The following DPP10 variants were observed in gnomAD, a reference collection of about 807,000 sequenced individuals.
DPP10 encodes dipeptidyl peptidase like 10.
Under a neutral mutation model 120.9 loss-of-function variants are expected in DPP10, and 33 were observed. The observed-to-expected ratio is 0.27, with a 90% confidence interval of 0.21 to 0.37. The LOEUF (loss-of-function observed/expected upper bound fraction) is 0.37, where lower values mean the gene tolerates loss of function less well. Among genes scored for constraint, DPP10 ranks in the 10% least tolerant of loss-of-function variants. The pLI is 1.00. For synonymous variants in DPP10, 337 were observed against 326.1 expected (o/e 1.03, Z -0.36); for missense variants, 816 against 942.8 (o/e 0.87, Z 1.76).
intron 1 of DPP10, among the ~76,000 whole-genome samples, chr2:114,938,657 T>C (rs1315917304): frequency 1.3e-5 from 2 of 151,868 alleles, no homozygotes; most frequent in East Asian, 3.9e-4. Context: ...TTTGTATGAC[T>C]AAGAAGTGAC....
At position 115,688,912 on chromosome 2, in the gene DPP10, A is replaced by G. The variant is rs765846867; in HGVS notation, c.442-775A>G. Among the ~76,000 whole-genome samples, 33 of 152,206 alleles carry G rather than the reference A, an allele frequency of 2.2e-4. No homozygotes were observed. The Middle Eastern group carries it at 0.01, about 47-fold the overall frequency. ...GTGTGGAGAGTGTTATCTCACTTCA[A>G]CTTCACCAACAAACACTTCAACATG... On this transcript the variant is annotated intron_variant, in intron 5 of 25. Coordinates refer to ENST00000410059, the MANE Select transcript of DPP10 (RefSeq NM_020868.6).
At chr2:115,622,305 T>A (rs1217848156) in intron 5 of DPP10, among the ~76,000 whole-genome samples, 1 of 152,154 alleles carries the variant, frequency 6.6e-6, no homozygotes, top group Non-Finnish European at 1.5e-5. Flanking sequence ...ATATCTGGCT[T>A]CCTTCATTTA....
chr2:114,890,046 G>T (rs1195848117), intron 1 of DPP10, among the ~76,000 whole-genome samples: 7 of 152,186 alleles, frequency 4.6e-5, no homozygotes, highest in Non-Finnish European at 8.8e-5. Flanking sequence ...ATATGCAGAT[G>T]AATAAGTCAT....
At chr2:115,412,718 T>C (rs1380266456) in intron 3 of DPP10, among the ~76,000 whole-genome samples, 1 of 152,226 alleles carries the variant, frequency 6.6e-6, no homozygotes, top group African/African-American at 2.4e-5. Flanking sequence ...CATCCTTGTT[T>C]ACTTAATGTG....
chr2:115,188,937 A>C (rs899971454), intron 1 of DPP10, among the ~76,000 whole-genome samples: 2 of 152,224 alleles, frequency 1.3e-5, no homozygotes, highest in African/African-American at 4.8e-5. Context: ...ATTGTTGCAC[A>C]TCTATACAAA....
At chr2:114,570,198 T>TGAGAGAC (rs538591944) in intron 1 of DPP10, among the ~76,000 whole-genome samples, 214 of 152,310 alleles carry the variant, frequency 1.4e-3, no homozygotes, top group African/African-American at 5.0e-3. Flanking sequence ...AAAATATTCC[T>TGAGAGAC]GAGAGACCAG....
chr2:115,364,589 T>C (rs952154395), intron 3 of DPP10, among the ~76,000 whole-genome samples: 6 of 152,030 alleles, frequency 3.9e-5, no homozygotes, highest in Non-Finnish European at 7.4e-5. Context: ...CATCAGTCAG[T>C]TCTTCTGTAT....
intron 1 of DPP10, among the ~76,000 whole-genome samples, chr2:114,593,707 A>G (rs1278697240): frequency 6.6e-6 from 1 of 152,116 alleles, no homozygotes; most frequent in Admixed American, 6.5e-5. Context: ...TAGCCTAGCA[A>G]ACGGGTCTAG....
chr2:115,317,614 A>G (rs929887752), intron 2 of DPP10, among the ~76,000 whole-genome samples: 7 of 151,570 alleles, frequency 4.6e-5, no homozygotes, highest in African/African-American at 1.7e-4. Flanking sequence ...CCAAATTCTT[A>G]GAAACACTTG....
intron 1 of DPP10, among the ~76,000 whole-genome samples, chr2:114,959,734 TTC>T (rs957156262): frequency 2.6e-5 from 4 of 152,146 alleles, no homozygotes; most frequent in Non-Finnish European, 5.9e-5. Flanking sequence ...GCACTTGCTA[TTC>T]TCTCTCTTTT....
chr2:115,323,768 G>C (rs1003255057), intron 2 of DPP10, among the ~76,000 whole-genome samples: 4 of 152,182 alleles, frequency 2.6e-5, no homozygotes, highest in Non-Finnish European at 5.9e-5. Flanking sequence ...TCAATGAGCA[G>C]TGATATTTTA....
chr2:115,259,426 G>A (rs998974048), intron 1 of DPP10, among the ~76,000 whole-genome samples: 1 of 151,476 alleles, frequency 6.6e-6, no homozygotes, highest in Non-Finnish European at 1.5e-5. Context: ...GGAGGTTGCA[G>A]TGAGCCGAGA....
chr2:114,930,344 A>G (rs1187876392), intron 1 of DPP10, among the ~76,000 whole-genome samples: 1 of 152,194 alleles, frequency 6.6e-6, no homozygotes, highest in African/African-American at 2.4e-5. Flanking sequence ...CTCGCTACCA[A>G]ATCAGGTTGT....
chr2:114,667,248 A>G (rs1020340676), intron 1 of DPP10, among the ~76,000 whole-genome samples: 6 of 152,222 alleles, frequency 3.9e-5, no homozygotes, highest in African/African-American at 9.6e-5. Flanking sequence ...AAGGTGAATA[A>G]AAGCTAATTT....
chr2:114,484,311 G>A (rs1244442048), intron 1 of DPP10, among the ~76,000 whole-genome samples: 1 of 152,170 alleles, frequency 6.6e-6, no homozygotes, highest in African/African-American at 2.4e-5. Context: ...GAATCAGAAT[G>A]TAAGTGGAAA....
intron 3 of DPP10, among the ~76,000 whole-genome samples, chr2:115,344,639 A>T (rs1206267246): frequency 6.6e-6 from 1 of 152,140 alleles, no homozygotes; most frequent in Non-Finnish European, 1.5e-5. Context: ...ATAAGAAAAT[A>T]AAACCACTGA....
intron 1 of DPP10, among the ~76,000 whole-genome samples, chr2:114,539,161 CAT>C (rs1473725498): frequency 1.4e-5 from 2 of 148,136 alleles, no homozygotes; most frequent in African/African-American, 2.5e-5. Context: ...TGTTATATTA[CAT>C]GTTTTATTTA....
chr2:114,827,341 TC>T (rs1301750295), intron 1 of DPP10, among the ~76,000 whole-genome samples: 3 of 152,154 alleles, frequency 2.0e-5, no homozygotes, highest in Non-Finnish European at 2.9e-5. Context: ...CAGTCAATGT[TC>T]CAATTATTGA....
chr2:115,610,129 A>T (rs2149247901), intron 5 of DPP10, among the ~76,000 whole-genome samples: 1 of 152,206 alleles, frequency 6.6e-6, no homozygotes, highest in Middle Eastern at 3.4e-3. Context: ...TGCAGTCAGT[A>T]AGGCTTGACT....
Sources: gnomAD v4.1 joint callset for allele counts (sites outside exome capture counted in the v4.1 genomes callset) on GRCh38, gnomAD v4.1.1 for gene constraint, MANE v1.5 for transcripts, NCBI Gene and HGNC (gene_info 2026-07-23, HGNC 2026-07-21) for gene names.